The following LAMB4 variants were observed in gnomAD, a reference collection of about 807,000 sequenced individuals.
LAMB4 encodes laminin subunit beta-4.
LAMB4 carries 196 observed loss-of-function variants against 199.2 expected under a neutral mutation model. That is an observed-to-expected ratio of 0.98 (90% CI 0.88 to 1.11). The LOEUF (loss-of-function observed/expected upper bound fraction) is 1.11, where lower values mean the gene tolerates loss of function less well. Ranked by LOEUF, LAMB4 falls within the 50% of genes least tolerant of loss-of-function variation. LAMB4 has a pLI of 0.00. For missense variants in LAMB4, 2,080 were observed against 2,171.2 expected (o/e 0.96, Z 0.83); for synonymous variants, 744 against 770.6 (o/e 0.97, Z 0.57).
In LAMB4 at chr7:108,110,636, A is replaced by C. The variant is rs555261912; in HGVS notation, c.328+1175T>G. ...CCTCTCTCTAAGGTGCTTGGTTGAG[A>C]ATCCTTGCTCTATGTCATTGGCTTG... On this transcript the variant is annotated intron_variant, in intron 4 of 33. Transcript: ENST00000388781. Among the ~76,000 whole-genome samples, 242 of 152,256 alleles carry C rather than the reference A, an allele frequency of 1.6e-3. No homozygotes were observed. In the Middle Eastern group the frequency reaches 0.02, roughly 13 times the overall value.
chr7:108,069,996 C>A lies in LAMB4; in HGVS notation c.2125-111G>T, dbSNP rs1052831331. 1.1e-5 allele frequency: 8 copies of A among 747,532 alleles called. No homozygotes were observed. The African/African-American group carries it at 1.4e-4, about 13-fold the overall frequency. 46.3% of individuals were successfully genotyped at this position (747,532 alleles called of 1,614,324 possible). ...AAATAATGGTTCAAAGAAGACTCAA[C>A]TCAATCCTTTAAACTGGTTAAGACT... On this transcript the variant is annotated intron_variant, in intron 17 of 33. Transcript: ENST00000388781.
At chr7:108,046,895 T>A (rs964667655) in intron 28 of LAMB4, among the ~76,000 whole-genome samples, 2 of 151,440 alleles carry the variant, frequency 1.3e-5, no homozygotes, top group African/African-American at 4.8e-5. Context: ...TCAACCCTTT[T>A]AAAAATTAAT....
intron 19 of LAMB4, among the ~76,000 whole-genome samples, chr7:108,066,872 T>C (rs1302105525): frequency 6.6e-6 from 1 of 152,002 alleles, no homozygotes; most frequent in Non-Finnish European, 1.5e-5. Flanking sequence ...TAAACTTCCA[T>C]ATATCTTAGG....
intron 2 of LAMB4, among the ~76,000 whole-genome samples, chr7:108,122,214 A>G (rs530391568): frequency 8.2e-4 from 125 of 152,344 alleles, no homozygotes; most frequent in Middle Eastern, 3.4e-3. Context: ...AGGTAGAGTG[A>G]TCCTCAGTGG....
rs115984719 is a variant in LAMB4 at position 108,047,303 on chromosome 7, C to T, written c.4326+605G>A. Among the ~76,000 whole-genome samples the T allele has an allele frequency of 6.7e-3, 1,020 of 152,066 alleles. 12 individuals are homozygous for T. Among genetic ancestry groups the T allele is most frequent in the African/African-American group, 0.023 (964 of 41,456 alleles). ...CACTGAGTGTGCCTGCCTCTTCTGC[C>T]TCCCCTTCCACCTCCTCCACCCCTG... On this transcript the variant is annotated intron_variant, in intron 28 of 33. Coordinates refer to ENST00000388781, the MANE Select transcript of LAMB4 (RefSeq NM_007356.3).
intron 27 of LAMB4, among the ~76,000 whole-genome samples, chr7:108,048,787 G>C (rs867294636): frequency 6.6e-5 from 10 of 152,166 alleles, no homozygotes; most frequent in African/African-American, 2.4e-4. Flanking sequence ...CCACCTGCCA[G>C]GTTCAAGCGA....
rs1165145327 is a variant in LAMB4, at chr7:108,066,416, C to A, written c.2631G>T (p.Gly877=). Reference sequence around the variant, plus strand: ...TAAAGCCTCCACAATTGAAGCATGACCCTGTCTCAGGATCACAAAGTTCAG... The same window carrying A: ...TAAAGCCTCCACAATTGAAGCATGAACCTGTCTCAGGATCACAAAGTTCAG... ...RFAELCDPET[G]SCFNCGGFTT... The change falls in exon 20 of 34, where the codon GGG becomes GGT. Residue 877 remains glycine (G), a synonymous_variant. Coordinates refer to ENST00000388781, the MANE Select transcript of LAMB4 (RefSeq NM_007356.3). 1 of 1,614,186 alleles carries A rather than the reference C, an allele frequency of 6.2e-7. No individual in the cohort carries two copies. Among genetic ancestry groups the A allele is most frequent in the East Asian group, 2.2e-5 (1 of 44,888 alleles).
intron 12 of LAMB4, 63 bp downstream of exon 12, chr7:108,095,165 C>T (rs2037547696): frequency 8.3e-7 from 1 of 1,209,718 alleles, no homozygotes; most frequent in Non-Finnish European, 1.2e-6. Flanking sequence ...CAAGTCTTAC[C>T]TAGGCAATGG....
intron 31 of LAMB4, among the ~76,000 whole-genome samples, chr7:108,032,351 T>C (rs2035066872): frequency 6.6e-6 from 1 of 151,772 alleles, no homozygotes; most frequent in South Asian, 2.1e-4. Flanking sequence ...GATTGTGCCA[T>C]TGCACTCCAG....
intron 2 of LAMB4, among the ~76,000 whole-genome samples, chr7:108,119,287 A>T (rs1280052720): frequency 7.2e-5 from 11 of 152,234 alleles, no homozygotes; most frequent in Non-Finnish European, 1.6e-4. Flanking sequence ...TTGAGTATTT[A>T]TCGCAGAGAA....
In LAMB4 at chr7:108,057,837, C is replaced by T. The variant is rs1014254349; in HGVS notation, c.3374G>A (p.Cys1125Tyr). ...ENYYGDPPGRCIPCDCNRAGT... is the reference protein window; with the variant it reads ...ENYYGDPPGRYIPCDCNRAGT... ...TTAGAAATCCCAATACTTACGAATGCATCGCCCAGGTGGATCACCATAATA... is the reference window on the plus strand; with the variant it reads ...TTAGAAATCCCAATACTTACGAATGTATCGCCCAGGTGGATCACCATAATA... The change falls in exon 24 of 34, where the codon TGC becomes TAC. Residue 1125 changes from cysteine to tyrosine, a missense_variant. Physicochemically the swap from Cys to Tyr is radical, Grantham distance 194 (BLOSUM62 -2). Transcript: ENST00000388781. The T allele has an allele frequency of 2.5e-6, 4 of 1,607,036 alleles. No individual in the cohort carries two copies. The highest frequency in any genetic ancestry group is 2.2e-5 in the East Asian group (1 of 44,854).
chr7:108,086,487 T>C (rs973312250), intron 14 of LAMB4, among the ~76,000 whole-genome samples: 12 of 152,148 alleles, frequency 7.9e-5, no homozygotes, highest in Non-Finnish European at 4.4e-5. Context: ...CACAAAAATA[T>C]GACTATTTTG....
intron 14 of LAMB4, among the ~76,000 whole-genome samples, chr7:108,088,590 T>A (rs1458156366): frequency 6.6e-6 from 1 of 152,254 alleles, no homozygotes; most frequent in African/African-American, 2.4e-5. Flanking sequence ...TTCTTAGTTC[T>A]GCAGTTAGAA....
chr7:108,045,038 T>C (rs2035574604), intron 28 of LAMB4, among the ~76,000 whole-genome samples: 1 of 151,358 alleles, frequency 6.6e-6, no homozygotes, highest in South Asian at 2.1e-4. Context: ...GCCTGCTTAA[T>C]TTGAGCCATA....
rs918948443 is a variant in LAMB4 at position 108,066,509 on chromosome 7, G to C, written c.2538C>G (p.Arg846=). The change falls in exon 20 of 34, where the codon CGC becomes CGG. Residue 846 remains arginine, a synonymous_variant. Coordinates refer to ENST00000388781, the MANE Select transcript of LAMB4 (RefSeq NM_007356.3). Reference sequence around the variant, plus strand: ...AGTAGCCTGCCAGGCAGCGATCACAGCGGCGGCCAGACACCTCTCCATGGC... The same window carrying C: ...AGTAGCCTGCCAGGCAGCGATCACACCGGCGGCCAGACACCTCTCCATGGC... ...CPCHGEVSGR[R]CDRCLAGYFG... is the part of the protein sequence containing the mutation. The C allele has an allele frequency of 6.2e-6, 10 of 1,613,978 alleles. No homozygotes were observed. The Admixed American group carries it at 1.5e-4, about 24-fold the overall frequency.
intron 26 of LAMB4, among the ~76,000 whole-genome samples, chr7:108,051,249 A>G (rs2035817336): frequency 6.6e-6 from 1 of 152,164 alleles, no homozygotes; most frequent in Admixed American, 6.5e-5. Flanking sequence ...TGTTTCACTA[A>G]ATTTAGGCAT....
intron 17 of LAMB4, among the ~76,000 whole-genome samples, chr7:108,073,093 C>T (rs968710008): frequency 2.6e-5 from 4 of 152,210 alleles, no homozygotes; most frequent in Non-Finnish European, 5.9e-5. Context: ...GAGACCTCTG[C>T]CTCCAGGTTC....
chr7:108,063,795 A>T lies in LAMB4; in HGVS notation c.3027T>A (p.Gly1009=). 1 of 1,614,174 alleles carries T rather than the reference A, an allele frequency of 6.2e-7. No individual in the cohort carries two copies. ...QGANCQLCKP[G]HYGSALNQTC... is the part of the protein sequence containing the mutation. The stretch of plus-strand genomic sequence containing the variant: ...TCTGATTGAGGGCTGATCCATAGTG[A>T]CCTGGTTTGCAGAGCTGGCAGTTTG... Residue 1009 remains glycine (G), a synonymous_variant, in exon 22 of 34, where the codon GGT becomes GGA. Transcript: ENST00000388781.
Position 108,091,819 on chromosome 7 carries a change from G to A in LAMB4, c.1551-43C>T, listed in dbSNP as rs759408740. On this transcript the variant is annotated intron_variant, in intron 13 of 33. Coordinates refer to ENST00000388781, the MANE Select transcript of LAMB4 (RefSeq NM_007356.3). ...CATCATGAAAAAATGCAAAGTAGGT[G>A]AGCGGAAAATGAAGGTGTAGGGGTG... is the stretch of plus-strand genomic sequence containing the variant. 7 of 1,604,936 alleles carry A rather than the reference G, an allele frequency of 4.4e-6. No homozygotes were observed. In the East Asian group the frequency reaches 1.3e-4, roughly 31 times the overall value.
Sources: gnomAD v4.1 joint callset for allele counts (sites outside exome capture counted in the v4.1 genomes callset) on GRCh38, gnomAD v4.1.1 for gene constraint, MANE v1.5 for transcripts, NCBI Gene and HGNC (gene_info 2026-07-23, HGNC 2026-07-21) for gene names.